The following CARMIL1 variants were observed in gnomAD, a reference collection of about 807,000 sequenced individuals.
CARMIL1 encodes the protein F-actin-uncapping protein LRRC16A.
In CARMIL1, 90 loss-of-function variants were observed where a neutral mutation model predicts 177.1. The observed-to-expected ratio is 0.51, with a 90% CI of 0.43 to 0.61. CARMIL1 has a LOEUF of 0.61. Among genes scored for constraint, CARMIL1 ranks in the 20% least tolerant of loss-of-function variants. CARMIL1 has a pLI of 0.00. For missense variants in CARMIL1, 1,380 were observed against 1,667.0 expected (o/e 0.83, Z 3.00); for synonymous variants, 577 against 606.2 (o/e 0.95, Z 0.71).
chr6:25,457,757 A>G (rs1799673991), intron 8 of CARMIL1, among the ~76,000 whole-genome samples: 1 of 152,170 alleles, frequency 6.6e-6, no homozygotes, highest in South Asian at 2.1e-4. Flanking sequence ...ACCTCCTTTG[A>G]GCCTTTAAAT....
intron 2 of CARMIL1, among the ~76,000 whole-genome samples, chr6:25,412,029 T>C (rs72831235): frequency 0.16 from 24,413 of 152,080 alleles, 3,016 homozygotes; most frequent in African/African-American, 0.34. Context: ...ATAAGGTCTC[T>C]AGAGATTGTA....
chr6:25,438,175 A>T (rs1437261814), intron 5 of CARMIL1, among the ~76,000 whole-genome samples: 2 of 152,174 alleles, frequency 1.3e-5, no homozygotes, highest in Non-Finnish European at 2.9e-5. Context: ...CTGTAAAGAG[A>T]GTCTTTATTC....
At chr6:25,486,201 A>AT (rs963211196) in intron 12 of CARMIL1, among the ~76,000 whole-genome samples, 8 of 151,892 alleles carry the variant, frequency 5.3e-5, no homozygotes, top group Admixed American at 1.3e-4. Flanking sequence ...AAGAGCCTTG[A>AT]TTTTTTTTCA....
intron 26 of CARMIL1, among the ~76,000 whole-genome samples, chr6:25,549,793 G>A (rs1028714517): frequency 9.9e-5 from 15 of 152,268 alleles, no homozygotes; most frequent in Middle Eastern, 3.4e-3. Context: ...TCCAAGCCTT[G>A]CTTTCAAAAA....
rs752762409 is a variant in CARMIL1, at chr6:25,450,325, G to A, written c.470-14G>A. The A allele has an allele frequency of 5.6e-6, 9 of 1,603,658 alleles. No individual in the cohort carries two copies. The highest frequency in any genetic ancestry group is 1.7e-4 in the Middle Eastern group (1 of 6,046). ...TTGCCAAAGACCTGTCAGTGTTTTTGTTGTATGTTTCAGGTGGATTTTCTC... is the reference window on the plus strand; with the variant it reads ...TTGCCAAAGACCTGTCAGTGTTTTTATTGTATGTTTCAGGTGGATTTTCTC... On this transcript the variant is annotated splice_polypyrimidine_tract_variant and intron_variant, in intron 6 of 36. Transcript: ENST00000329474.
chr6:25,476,324 C>A (rs72839015), intron 11 of CARMIL1, among the ~76,000 whole-genome samples: 24,245 of 152,128 alleles, frequency 0.16, 2,064 homozygotes, highest in Non-Finnish European at 0.19. Flanking sequence ...TTGAATGCTC[C>A]TGCCAAGTCT....
intron 11 of CARMIL1, 38 bp downstream of exon 11, chr6:25,472,559 G>A (rs9393646): frequency 0.15 from 222,247 of 1,463,018 alleles, 17,803 homozygotes; most frequent in South Asian, 0.19. Context: ...TGCCAGAATT[G>A]TAAGAGGATT....
At position 25,381,742 on chromosome 6, in the gene CARMIL1, C is replaced by T. The variant is rs146688506; in HGVS notation, c.139-38372C>T. On this transcript the variant is annotated intron_variant, in intron 2 of 36. Transcript: ENST00000329474. ...TAGCACCTTTGTGTGTTCACCAATC[C>T]AGAAGCTCTTTGAACTCTTTAACTT... 4.8e-4 allele frequency among the ~76,000 whole-genome samples: 73 copies of T among 152,302 alleles called. 1 individual carries two copies. The East Asian group carries it at 0.014, about 29-fold the overall frequency.
At chr6:25,562,044 T>G (rs1811168878) in intron 29 of CARMIL1, among the ~76,000 whole-genome samples, 1 of 152,124 alleles carries the variant, frequency 6.6e-6, no homozygotes, top group East Asian at 1.9e-4. Flanking sequence ...TTATTACTAT[T>G]ATTTCTTTCC....
At chr6:25,452,187 T>C (rs765664346) in intron 8 of CARMIL1, 17 of 764,698 alleles carry the variant, frequency 2.2e-5, no homozygotes, top group Admixed American at 2.0e-4. Context: ...GTGTCTGTAG[T>C]TGTGGCTGAT....
At position 25,509,040 on chromosome 6, in the gene CARMIL1, CATG is replaced by C. The variant is rs1369050957; in HGVS notation, c.1396-613_1396-611del. 6.6e-6 allele frequency among the ~76,000 whole-genome samples: 1 copy of C among 152,132 alleles called. No homozygotes were observed. The highest frequency in any genetic ancestry group is 2.4e-5 in the African/African-American group (1 of 41,430). On this transcript the variant is annotated intron_variant, in intron 17 of 36. Coordinates refer to ENST00000329474, the MANE Select transcript of CARMIL1 (RefSeq NM_017640.6). This position sits in a 1 kb window ranked among gnomAD's most constrained non-coding sequence, Gnocchi z 4.1. ...GCACTTAGTTTTGCTCTAAAACAAT[CATG>C]ATAATAATATTTTATATTAATTTAA... is the stretch of plus-strand genomic sequence containing the variant.
At chr6:25,454,603 G>A (rs114641856) in intron 8 of CARMIL1, among the ~76,000 whole-genome samples, 4,569 of 152,144 alleles carry the variant, frequency 0.03, 202 homozygotes, top group African/African-American at 0.092. Context: ...TCTTTGGAAT[G>A]CAATAACTAA....
chr6:25,518,037 A>G (rs756363495), intron 22 of CARMIL1, among the ~76,000 whole-genome samples: 1 of 152,238 alleles, frequency 6.6e-6, no homozygotes, highest in Non-Finnish European at 1.5e-5. Flanking sequence ...ATATTGTATT[A>G]TAAAGGCAGA....
rs1801149291 is a variant in CARMIL1 at position 25,472,166 on chromosome 6, T to C, written c.780-261T>C. ...TGGAGGGGCCAGAAAGTACTGTTAATAGCACACAACAGAGTGCCTTTAAAG... is the reference window on the plus strand; with the variant it reads ...TGGAGGGGCCAGAAAGTACTGTTAACAGCACACAACAGAGTGCCTTTAAAG... On this transcript the variant is annotated intron_variant, in intron 10 of 36. Coordinates refer to ENST00000329474, the MANE Select transcript of CARMIL1 (RefSeq NM_017640.6). Among the ~76,000 whole-genome samples the C allele has an allele frequency of 3.3e-5, 5 of 152,068 alleles. No homozygotes were observed. In the South Asian group the frequency reaches 1.0e-3, roughly 32 times the overall value.
intron 12 of CARMIL1, among the ~76,000 whole-genome samples, chr6:25,486,259 G>A (rs917931154): frequency 2.0e-5 from 3 of 152,010 alleles, no homozygotes; most frequent in African/African-American, 7.3e-5. Context: ...TATTAACACA[G>A]GCCTCATGTG....
intron 2 of CARMIL1, among the ~76,000 whole-genome samples, chr6:25,399,176 T>C (rs939005369): frequency 6.6e-6 from 1 of 152,182 alleles, no homozygotes; most frequent in Non-Finnish European, 1.5e-5. Context: ...GCACAGCCTT[T>C]TGTGGCTAGA....
At chr6:25,455,605 C>T (rs1228461057) in intron 8 of CARMIL1, among the ~76,000 whole-genome samples, 1 of 152,186 alleles carries the variant, frequency 6.6e-6, no homozygotes, top group African/African-American at 2.4e-5. Flanking sequence ...CTCCAGTTGG[C>T]AGTTATAGCT....
chr6:25,286,361 A>G (rs1781524517), intron 2 of CARMIL1, among the ~76,000 whole-genome samples: 1 of 152,238 alleles, frequency 6.6e-6, no homozygotes. Context: ...GTCTATATAT[A>G]CAAGTCGGGA....
In CARMIL1 at chr6:25,619,532, C is replaced by T; in HGVS notation, c.4065C>T (p.Ser1355=). ...CCAGTAAAGATGGCCATCAAGGCAG[C>T]AAATCTAATGACTCCGGGGAAGAAG... ...RSSSKDGHQG[S]KSNDSGEEAE... The change falls in exon 37 of 37, where the codon AGC becomes AGT. Residue 1355 remains serine, a synonymous_variant. Transcript: ENST00000329474. 6.2e-7 allele frequency: 1 copy of T among 1,613,860 alleles called. No homozygotes were observed. The highest frequency in any genetic ancestry group is 1.7e-5 in the Admixed American group (1 of 60,024).
Sources: gnomAD v4.1 joint callset for allele counts (sites outside exome capture counted in the v4.1 genomes callset) on GRCh38, gnomAD v4.1.1 for gene constraint, Gnocchi (gnomAD v3.1) non-coding constraint, MANE v1.5 for transcripts, NCBI Gene and HGNC (gene_info 2026-07-23, HGNC 2026-07-21) for gene names.